Variants in NR2C2 observed in about 807,000 individuals in gnomAD.
The protein encoded by NR2C2 is nuclear receptor subfamily 2 group C member 2.
NR2C2 carries 6 observed loss-of-function variants against 62.9 expected under a neutral mutation model. The observed-to-expected ratio is 0.10, with a 90% CI of 0.05 to 0.19. NR2C2 has a LOEUF of 0.19. Among genes scored for constraint, NR2C2 ranks in the 10% least tolerant of loss-of-function variants. NR2C2 has a pLI of 1.00. For missense variants in NR2C2, 479 were observed against 762.7 expected (o/e 0.63, Z 4.38); for synonymous variants, 272 against 273.8 (o/e 0.99, Z 0.07).
intron 1 of NR2C2, among the ~76,000 whole-genome samples, chr3:14,958,530 T>G (rs75946147): frequency 0.041 from 6,234 of 152,280 alleles, 438 homozygotes; most frequent in African/African-American, 0.14. Flanking sequence ...CCACAGTGGT[T>G]GTTAATATAA....
chr3:14,989,024 T>C (rs2040591035), intron 1 of NR2C2, among the ~76,000 whole-genome samples: 2 of 152,208 alleles, frequency 1.3e-5, no homozygotes, highest in African/African-American at 4.8e-5. Context: ...GGCTTTTGTT[T>C]TGTTTTTGCT....
chr3:14,991,749 CTT>C (rs869094168), intron 1 of NR2C2, among the ~76,000 whole-genome samples: 3 of 132,234 alleles, frequency 2.3e-5, no homozygotes, highest in African/African-American at 8.4e-5. Context: ...TCCCTTTTTT[CTT>C]TTTTTTTTTT....
At chr3:15,032,521 C>T (rs1158906774) in intron 10 of NR2C2, 21 bp downstream of exon 10, 3 of 1,614,050 alleles carry the variant, frequency 1.9e-6, no homozygotes, top group Non-Finnish European at 2.5e-6. Context: ...TCTTGCTGTG[C>T]ATGTATCCTC....
intron 1 of NR2C2, among the ~76,000 whole-genome samples, chr3:14,955,540 T>C (rs1040370385): frequency 1.3e-5 from 2 of 152,156 alleles, no homozygotes; most frequent in Non-Finnish European, 2.9e-5. Flanking sequence ...GAGGCCTCAG[T>C]TGGAATCCTA....
chr3:14,962,244 G>A (rs970900099), intron 1 of NR2C2, among the ~76,000 whole-genome samples: 3 of 152,250 alleles, frequency 2.0e-5, no homozygotes. Flanking sequence ...TGTAACTGAA[G>A]GAGGCGGTGC....
chr3:15,024,464 G>T (rs2041767436), intron 7 of NR2C2, among the ~76,000 whole-genome samples: 1 of 152,162 alleles, frequency 6.6e-6, no homozygotes, highest in African/African-American at 2.4e-5. Flanking sequence ...ACATTCAGTG[G>T]TTCTCTTTTC....
At chr3:15,007,771 A>C (rs953618349) in intron 2 of NR2C2, among the ~76,000 whole-genome samples, 1 of 152,236 alleles carries the variant, frequency 6.6e-6, no homozygotes, top group African/African-American at 2.4e-5. Flanking sequence ...GGAGTATGTG[A>C]GAGCTTAGAG....
intron 2 of NR2C2, among the ~76,000 whole-genome samples, chr3:15,007,338 A>G (rs1373396713): frequency 6.6e-6 from 1 of 150,578 alleles, no homozygotes; most frequent in Non-Finnish European, 1.5e-5. Context: ...CATGTTAGAC[A>G]GGATGGTCTC....
At chr3:15,024,612 T>C (rs967970850) in intron 7 of NR2C2, among the ~76,000 whole-genome samples, 1 of 152,236 alleles carries the variant, frequency 6.6e-6, no homozygotes, top group African/African-American at 2.4e-5. Context: ...CAGCCAGGAA[T>C]CTATCAGTTC....
intron 1 of NR2C2, among the ~76,000 whole-genome samples, chr3:14,958,468 A>T (rs538368163): frequency 2.4e-4 from 37 of 152,264 alleles, no homozygotes; most frequent in Admixed American, 1.0e-3. Context: ...TGGGTGAAGT[A>T]CTAGCCTTTA....
Position 15,042,845 on chromosome 3 carries a change from T to C in NR2C2, c.1628T>C (p.Ile543Thr), listed in dbSNP as rs1194587424. 6.2e-7 allele frequency: 1 copy of C among 1,614,048 alleles called. No homozygotes were observed. Among genetic ancestry groups the C allele is most frequent in the Non-Finnish European group, 8.5e-7 (1 of 1,179,958 alleles). The change falls in exon 14 of 14, where the codon ATC becomes ACC. Residue 543 changes from isoleucine to threonine, a missense_variant. This residue lies in a region of NR2C2 where 162 missense variants were observed against 296.8 expected (regional missense o/e 0.55). Coordinates refer to ENST00000425241, the MANE Select transcript of NR2C2 (RefSeq NM_001291694.2). Reference protein sequence around the residue: ...YSEDTYRLARILVRLPALRLM... With the variant: ...YSEDTYRLARTLVRLPALRLM... ...ACTCCCTTTTATAGATTGGCCCGGATCCTCGTTCGCCTGCCGGCACTCAGG... is the reference window on the plus strand; with the variant it reads ...ACTCCCTTTTATAGATTGGCCCGGACCCTCGTTCGCCTGCCGGCACTCAGG...
At chr3:14,964,800 G>C (rs1462722032) in intron 1 of NR2C2, among the ~76,000 whole-genome samples, 2 of 152,094 alleles carry the variant, frequency 1.3e-5, no homozygotes. Context: ...GGGATTACAG[G>C]CGTGAGCCAC....
chr3:14,992,303 G>A (rs998050775), intron 1 of NR2C2, among the ~76,000 whole-genome samples: 4 of 152,014 alleles, frequency 2.6e-5, no homozygotes, highest in East Asian at 1.9e-4. Context: ...CCCCTGTGTC[G>A]GTGGAAGCCA....
At chr3:15,038,245 A>C (rs1559310993) in intron 12 of NR2C2, 108 bp downstream of exon 12, 2 of 1,185,972 alleles carry the variant, frequency 1.7e-6, no homozygotes, top group South Asian at 3.3e-5. Flanking sequence ...TGCAGATTGT[A>C]TGTGACCTAG....
intron 1 of NR2C2, chr3:14,959,592 A>T (rs1232473926): frequency 6.6e-6 from 1 of 152,114 alleles, no homozygotes; most frequent in African/African-American, 2.4e-5. Context: ...GCTGTTGATG[A>T]TGCCTGATGC....
At chr3:14,999,240 C>T (rs2040916832) in intron 1 of NR2C2, among the ~76,000 whole-genome samples, 1 of 152,136 alleles carries the variant, frequency 6.6e-6, no homozygotes, top group South Asian at 2.1e-4. Flanking sequence ...CACTTGAACC[C>T]AGGAGGCAGA....
intron 1 of NR2C2, among the ~76,000 whole-genome samples, chr3:14,999,074 T>C (rs576723920): frequency 4.5e-4 from 69 of 152,322 alleles, no homozygotes; most frequent in African/African-American, 1.5e-3. Flanking sequence ...CCCAGCACTT[T>C]GGGAGGCCCA....
chr3:15,016,287 A>G, intron 4 of NR2C2, 33 bp downstream of exon 4: 5 of 1,468,342 alleles, frequency 3.4e-6, no homozygotes, highest in Non-Finnish European at 4.8e-6. Context: ...GGCACTTATA[A>G]TGGGCCAACA....
chr3:15,034,591 G>C, intron 10 of NR2C2, 79 bp from the exon 11 acceptor site: 1 of 1,468,928 alleles, frequency 6.8e-7, no homozygotes, highest in Admixed American at 1.9e-5. Flanking sequence ...GGAAATGCTG[G>C]GACTTAGTGC....
Sources: allele counts gnomAD v4.1 joint callset (sites outside exome capture counted in the v4.1 genomes callset), GRCh38; gene constraint gnomAD v4.1.1; regional missense constraint gnomAD v4.1.1; transcripts MANE v1.5; gene names NCBI Gene and HGNC (gene_info 2026-07-23, HGNC 2026-07-21).